The following HOXA3 variants were observed in gnomAD, a reference collection of about 807,000 sequenced individuals.
HOXA3 encodes homeobox A3.
In HOXA3, 8 loss-of-function variants were observed where a neutral mutation model predicts 30.3. The ratio of observed to expected loss-of-function variants is 0.26; its 90% confidence interval spans 0.15 to 0.48. HOXA3 has a LOEUF of 0.48. HOXA3 is among the 20% of genes least tolerant of loss of function. The probability of loss-of-function intolerance (pLI) is 0.99; values close to 1 mark genes in which losing one functional copy is unlikely to be tolerated. For synonymous variants in HOXA3, 323 were observed against 273.1 expected, an observed-to-expected ratio of 1.18 and a Z score of -1.80; for missense variants, 653 against 614.4, an observed-to-expected ratio of 1.06 and a Z score of -0.66.
intron 1 of HOXA3, among the ~76,000 whole-genome samples, chr7:27,146,706 T>C (rs1391478593): frequency 2.0e-5 from 3 of 151,990 alleles, no homozygotes; most frequent in African/African-American, 7.3e-5. Context: ...GACAGGTGTA[T>C]GAAGCTCAGG....
At chr7:27,147,459 C>G (rs753008150) in intron 1 of HOXA3, 1 of 1,614,220 alleles carries the variant, frequency 6.2e-7, no homozygotes, top group Non-Finnish European at 8.5e-7. Context: ...CCCCGGGGCC[C>G]CTCTGCTTGC....
chr7:27,133,864 G>A (rs972689744), intron 2 of HOXA3, among the ~76,000 whole-genome samples: 1 of 152,098 alleles, frequency 6.6e-6, no homozygotes, highest in African/African-American at 2.4e-5. Context: ...CACAAGGCGC[G>A]CCCTTCACTA....
In HOXA3 at chr7:27,108,220, CAT is replaced by C. The variant is rs752932512; in HGVS notation, c.1025_1026del (p.Tyr342Ter). ...CCCTGCAGGCCATGAGCGTGCGGGT[CAT>C]AGTCGGGGGTGCCCCCTGCGCCCGC... ...AGAGAGGTPD[Y>X]DPHAHGLQGN... On this transcript the variant is annotated frameshift_variant, in exon 6 of 6. Transcript: ENST00000612286. LOFTEE classifies it high-confidence loss of function. This position sits in a 1 kb window ranked among gnomAD's most constrained non-coding sequence, Gnocchi z 5.0. 1 of 1,527,384 alleles carries C rather than the reference CAT, an allele frequency of 6.5e-7. No individual in the cohort carries two copies. Among genetic ancestry groups the C allele is most frequent in the Non-Finnish European group, 8.8e-7 (1 of 1,137,290 alleles). The allele number at this position is 1,527,384 out of a possible 1,614,324, so 94.6% of individuals were successfully genotyped here.
chr7:27,144,560 G>A (rs1263485756), intron 1 of HOXA3, among the ~76,000 whole-genome samples: 1 of 152,180 alleles, frequency 6.6e-6, no homozygotes, highest in East Asian at 1.9e-4. Flanking sequence ...AGCCAGCCGG[G>A]CCCCAAGTCG....
intron 1 of HOXA3, among the ~76,000 whole-genome samples, chr7:27,144,183 G>C (rs1782673618): frequency 6.6e-6 from 1 of 152,154 alleles, no homozygotes; most frequent in South Asian, 2.1e-4. Context: ...GTCGAGGTTG[G>C]GGTCGGTACT....
intron 2 of HOXA3, chr7:27,129,405 G>T (rs1785420326): frequency 6.2e-7 from 1 of 1,614,092 alleles, no homozygotes; most frequent in Non-Finnish European, 8.5e-7. Flanking sequence ...TCTGAAACCA[G>T]ATCTTGACCT....
In HOXA3 at chr7:27,147,501, C is replaced by T. The variant is rs144914171; in HGVS notation, c.-494+4787G>A. ...CCGAGGGCGAGGCGCCACTGAGGTC[C>T]TTATCAGAATAGAAACACGAGGCCC... On this transcript the variant is annotated intron_variant, in intron 1 of 5. Coordinates refer to ENST00000612286, the MANE Select transcript of HOXA3 (RefSeq NM_153631.3). The T allele has an allele frequency of 4.8e-5, 78 of 1,614,170 alleles. No homozygotes were observed. The African/African-American group carries it at 9.6e-4, about 20-fold the overall frequency.
At chr7:27,132,042 T>A (rs1449184016) in intron 2 of HOXA3, among the ~76,000 whole-genome samples, 2 of 152,240 alleles carry the variant, frequency 1.3e-5, no homozygotes, top group Non-Finnish European at 2.9e-5. Flanking sequence ...CCACCTAATG[T>A]TGATCTTTGA....
Position 27,108,725 on chromosome 7 carries a change from G to C in HOXA3, c.527-5C>G, listed in dbSNP as rs201665365. On this transcript the variant is annotated splice_region_variant and splice_polypyrimidine_tract_variant and intron_variant, in intron 5 of 5. Coordinates refer to ENST00000612286, the MANE Select transcript of HOXA3 (RefSeq NM_153631.3). This position sits in a 1 kb window ranked among gnomAD's most constrained non-coding sequence, Gnocchi z 5.0. ...TGTCGCCAGCGCAGCTTTCGCCTGC[G>C]AGGACAGAGAGAGGAAGAGCGGCGT... 6.3e-7 allele frequency: 1 copy of C among 1,585,350 alleles called. No individual in the cohort carries two copies. The highest frequency in any genetic ancestry group is 1.1e-5 in the South Asian group (1 of 88,200).
intron 1 of HOXA3, chr7:27,143,788 T>A (rs1269487676): frequency 8.5e-7 from 1 of 1,173,020 alleles, no homozygotes; most frequent in Non-Finnish European, 1.1e-6. Flanking sequence ...CAGTCGTAAA[T>A]CCTGCCTGAT....
chr7:27,129,120 G>A, intron 2 of HOXA3: 1 of 781,414 alleles, frequency 1.3e-6, no homozygotes, highest in East Asian at 2.4e-5. Flanking sequence ...GGTTTGTTTT[G>A]GTGTCTATTA....
chr7:27,133,343 A>G (rs948854700), intron 2 of HOXA3, among the ~76,000 whole-genome samples: 2 of 152,246 alleles, frequency 1.3e-5, no homozygotes, highest in Non-Finnish European at 2.9e-5. Flanking sequence ...TATCCAAGAC[A>G]CCAAAGTAAA....
intron 3 of HOXA3, 83 bp from the exon 4 acceptor site, chr7:27,122,725 G>A (rs1785080915): frequency 6.6e-6 from 1 of 152,236 alleles, no homozygotes; most frequent in Non-Finnish European, 1.5e-5. Flanking sequence ...CGAGGCTCAT[G>A]CGGGCGCCAA....
At chr7:27,129,186 G>A in intron 2 of HOXA3, 3 of 1,177,788 alleles carry the variant, frequency 2.5e-6, no homozygotes, top group Non-Finnish European at 3.8e-6. Flanking sequence ...GAAGAGAAAA[G>A]CAGGTAAGGG....
intron 2 of HOXA3, among the ~76,000 whole-genome samples, chr7:27,139,793 A>G (rs1451602528): frequency 1.3e-5 from 2 of 152,078 alleles, no homozygotes; most frequent in East Asian, 1.9e-4. Flanking sequence ...GCACACAAAA[A>G]TCATCTTTTT....
chr7:27,118,191 G>A (rs1358485843), intron 4 of HOXA3, among the ~76,000 whole-genome samples: 1 of 152,134 alleles, frequency 6.6e-6, no homozygotes, highest in Non-Finnish European at 1.5e-5. Context: ...GACTTCCATC[G>A]GCTAGCTCGC....
chr7:27,139,728 T>C (rs1280138488), intron 2 of HOXA3, among the ~76,000 whole-genome samples: 1 of 151,978 alleles, frequency 6.6e-6, no homozygotes, highest in Non-Finnish European at 1.5e-5. Context: ...GGCCCAGCAA[T>C]TGCGCGGGGG....
In HOXA3 at chr7:27,114,837, A is replaced by ATATATTATATATATTATATAT. The variant is rs1554336685; in HGVS notation, c.-120-4078_-120-4077insATATATAATATATATAATATA. Among the ~76,000 whole-genome samples the ATATATTATATATATTATATAT allele has an allele frequency of 4.1e-5, 3 of 72,328 alleles. 1 individual carries two copies. Among genetic ancestry groups the ATATATTATATATATTATATAT allele is most frequent in the African/African-American group, 1.2e-4 (3 of 24,748 alleles). The allele number at this position is 72,328 out of a possible 152,430, so 47.4% of individuals were successfully genotyped here. ...CATACATATATATATAATATATATT[A>ATATATTATATATATTATATAT]TATATATAATATATATTATATATAT... On this transcript the variant is annotated intron_variant, in intron 4 of 5. Transcript: ENST00000612286.
At chr7:27,151,515 C>G (rs936476859) in intron 1 of HOXA3, 12 of 452,790 alleles carry the variant, frequency 2.7e-5, no homozygotes, top group Non-Finnish European at 5.4e-5. Context: ...ATTATGTCCT[C>G]TGCACCGAAA....
Sources: gnomAD v4.1 joint callset for allele counts (sites outside exome capture counted in the v4.1 genomes callset) on GRCh38, gnomAD v4.1.1 for gene constraint, Gnocchi (gnomAD v3.1) non-coding constraint, MANE v1.5 for transcripts, NCBI Gene and HGNC (gene_info 2026-07-23, HGNC 2026-07-21) for gene names.